AK8: variants seen among roughly 807,000 people sequenced by gnomAD.
AK8 encodes the protein adenylate kinase 8.
A neutral mutation model predicts 54.6 loss-of-function variants in AK8; 44 were observed. The ratio of observed to expected loss-of-function variants is 0.81; its 90% CI spans 0.63 to 1.04. AK8 has a LOEUF of 1.04. Among genes scored for constraint, AK8 ranks in the 50% least tolerant of loss-of-function variants. AK8 has a pLI of 0.00. For missense variants in AK8, 555 were observed against 613.6 expected (o/e 0.90, Z 1.01); for synonymous variants, 239 against 245.6 (o/e 0.97, Z 0.25).
At chr9:132,852,732 T>C (rs557842056) in intron 5 of AK8, among the ~76,000 whole-genome samples, 2 of 125,232 alleles carry the variant, frequency 1.6e-5, no homozygotes, top group East Asian at 4.6e-4. Flanking sequence ...ATCATGCCAC[T>C]GCACTCTGGC....
At chr9:132,740,010 T>C (rs752773225) in intron 11 of AK8, among the ~76,000 whole-genome samples, 17 of 152,238 alleles carry the variant, frequency 1.1e-4, no homozygotes, top group Non-Finnish European at 2.1e-4. Context: ...GACCCCTGAT[T>C]TGTAGCATTT....
chr9:132,765,929 T>C (rs1838708022), intron 11 of AK8, among the ~76,000 whole-genome samples: 1 of 152,240 alleles, frequency 6.6e-6, no homozygotes, highest in Non-Finnish European at 1.5e-5. Context: ...TGATTTTGCA[T>C]ATAGGAAACC....
intron 5 of AK8, among the ~76,000 whole-genome samples, chr9:132,833,144 G>T (rs1842175967): frequency 6.6e-6 from 1 of 152,202 alleles, no homozygotes; most frequent in Non-Finnish European, 1.5e-5. Flanking sequence ...TTGAAGGCGG[G>T]TCTGTCCTAC....
At chr9:132,809,507 A>G (rs1840895522) in intron 10 of AK8, among the ~76,000 whole-genome samples, 1 of 152,120 alleles carries the variant, frequency 6.6e-6, no homozygotes, top group African/African-American at 2.4e-5. Context: ...TTCCTTCCAC[A>G]TCTGCCTCCA....
chr9:132,797,577 G>A (rs1473087140), intron 10 of AK8, among the ~76,000 whole-genome samples: 2 of 148,934 alleles, frequency 1.3e-5, no homozygotes, highest in Non-Finnish European at 3.0e-5. Flanking sequence ...CTGGGGTAGG[G>A]GAGGGTGGTT....
chr9:132,790,474 T>G lies in AK8; in HGVS notation c.1121+2160A>C, dbSNP rs1349702879. Among the ~76,000 whole-genome samples, 1 of 152,086 alleles carries G rather than the reference T, an allele frequency of 6.6e-6. No homozygotes were observed. The highest frequency in any genetic ancestry group is 1.5e-5 in the Non-Finnish European group (1 of 68,006). ...ACCATGTTAGCCAGGATGGTCTCGA[T>G]CTCCTGACCTCATGATCCACCCACC... On this transcript the variant is annotated intron_variant, in intron 11 of 12. Coordinates refer to ENST00000298545, the MANE Select transcript of AK8 (RefSeq NM_152572.3). The surrounding 1 kb of genome is among the most constrained non-coding windows in gnomAD (Gnocchi z 4.1).
intron 10 of AK8, among the ~76,000 whole-genome samples, chr9:132,801,815 G>A (rs1052012896): frequency 6.6e-6 from 1 of 152,206 alleles, no homozygotes; most frequent in Non-Finnish European, 1.5e-5. Flanking sequence ...TATGAAAGAA[G>A]TAGTCACAGT....
intron 5 of AK8, among the ~76,000 whole-genome samples, chr9:132,838,459 T>C (rs1193756287): frequency 6.6e-6 from 1 of 152,182 alleles, no homozygotes; most frequent in African/African-American, 2.4e-5. Context: ...ACAGTCACTT[T>C]TGGGGCTGGG....
chr9:132,798,668 C>CCA (rs1397375847), intron 10 of AK8, among the ~76,000 whole-genome samples: 1 of 152,108 alleles, frequency 6.6e-6, no homozygotes, highest in Non-Finnish European at 1.5e-5. Context: ...TTTCATAAGG[C>CCA]CACACCACAT....
At chr9:132,809,092 A>G (rs1397815969) in intron 10 of AK8, among the ~76,000 whole-genome samples, 1 of 152,226 alleles carries the variant, frequency 6.6e-6, no homozygotes, top group Non-Finnish European at 1.5e-5. Context: ...TGAACCTTAC[A>G]GATGAAAACT....
rs975732760 is a variant in AK8 at position 132,814,807 on chromosome 9, G to A, written c.890-80C>T. The A allele has an allele frequency of 2.6e-5, 32 of 1,225,594 alleles. No individual in the cohort carries two copies. In the African/African-American group the frequency reaches 4.6e-4, roughly 18 times the overall value. 75.9% of individuals were successfully genotyped at this position (1,225,594 alleles called of 1,614,324 possible). A position where few individuals can be genotyped will look rare whatever the true frequency, so the allele number is the denominator to read the frequency against. On this transcript the variant is annotated intron_variant, in intron 9 of 12. Coordinates refer to ENST00000298545, the MANE Select transcript of AK8 (RefSeq NM_152572.3). ...TGAGAAAAAAAGAACCCCCAGTGCT[G>A]CCTGCTGAGGGAAAAAAAAAAGGTC... is the stretch of plus-strand genomic sequence containing the variant.
chr9:132,787,244 C>T (rs1317481123), intron 11 of AK8, among the ~76,000 whole-genome samples: 1 of 152,068 alleles, frequency 6.6e-6, no homozygotes, highest in Non-Finnish European at 1.5e-5. Flanking sequence ...AAGAAAATGT[C>T]CCAGGACTGA....
intron 11 of AK8, among the ~76,000 whole-genome samples, chr9:132,776,231 C>A (rs562666535): frequency 6.6e-6 from 1 of 152,332 alleles, no homozygotes; most frequent in East Asian, 1.9e-4. Flanking sequence ...GCTGGCCTAT[C>A]ACCACCATTA....
intron 11 of AK8, among the ~76,000 whole-genome samples, chr9:132,764,361 TAAAAC>T (rs2131064742): frequency 6.6e-6 from 1 of 151,156 alleles, no homozygotes; most frequent in African/African-American, 2.4e-5. Context: ...AGGGCAGAAA[TAAAAC>T]TAAAAGAAAA....
intron 10 of AK8, among the ~76,000 whole-genome samples, chr9:132,800,919 CTT>C (rs34462868): frequency 1.1e-4 from 13 of 123,790 alleles, no homozygotes; most frequent in African/African-American, 1.2e-4. Context: ...TCAGTTTGTC[CTT>C]TTTTTTTTTT....
At chr9:132,812,228 CTTTTTTTTT>C (rs528951216) in intron 10 of AK8, among the ~76,000 whole-genome samples, 1 of 92,552 alleles carries the variant, frequency 1.1e-5, no homozygotes, top group Non-Finnish European at 2.0e-5. Context: ...GCTACTGTGG[CTTTTTTTTT>C]TTTTTTTTTT....
At position 132,811,387 on chromosome 9, in the gene AK8, G is replaced by A. The variant is rs893336204; in HGVS notation, c.979+3251C>T. 2.6e-5 allele frequency among the ~76,000 whole-genome samples: 4 copies of A among 152,228 alleles called. No homozygotes were observed. The East Asian group carries it at 7.7e-4, about 29-fold the overall frequency. On this transcript the variant is annotated intron_variant, in intron 10 of 12. Coordinates refer to ENST00000298545, the MANE Select transcript of AK8 (RefSeq NM_152572.3). ...GGGAGGTGTGATAGCAGAAGCAGAA[G>A]TCAGAGAGAGAGAGATTGGAAAATG...
intron 5 of AK8, among the ~76,000 whole-genome samples, chr9:132,844,263 CA>C (rs552782785): frequency 1.6e-4 from 8 of 48,508 alleles, no homozygotes; most frequent in Admixed American, 7.5e-4. Context: ...ATGGTCACTT[CA>C]AAAAAAAATT....
intron 9 of AK8, among the ~76,000 whole-genome samples, chr9:132,820,894 T>G (rs759755483): frequency 6.6e-6 from 1 of 152,156 alleles, no homozygotes; most frequent in Non-Finnish European, 1.5e-5. Flanking sequence ...CTGCCTTAGG[T>G]CTCTTAAATG....
Sources: gnomAD v4.1 joint callset for allele counts (sites outside exome capture counted in the v4.1 genomes callset) on GRCh38, gnomAD v4.1.1 for gene constraint, Gnocchi (gnomAD v3.1) non-coding constraint, MANE v1.5 for transcripts, NCBI Gene and HGNC (gene_info 2026-07-23, HGNC 2026-07-21) for gene names.